VEPH1: variants seen among roughly 807,000 people sequenced by gnomAD.
VEPH1 encodes the protein ventricular zone-expressed PH domain-containing protein homolog 1.
Under a neutral mutation model 85.2 loss-of-function variants are expected in VEPH1, and 80 were observed. That is an observed-to-expected ratio of 0.94 (90% CI 0.78 to 1.13). VEPH1 has a LOEUF of 1.13. VEPH1 is among the 50% of genes most tolerant of loss of function. VEPH1 has a pLI of 0.00. For missense variants in VEPH1, 955 were observed against 980.5 expected, an observed-to-expected ratio of 0.97 and a Z score of 0.35; for synonymous variants, 297 against 348.0, an observed-to-expected ratio of 0.85 and a Z score of 1.63.
At chr3:157,266,624 T>C (rs1016284951) in intron 12 of VEPH1, among the ~76,000 whole-genome samples, 15 of 152,312 alleles carry the variant, frequency 9.8e-5, no homozygotes, top group South Asian at 4.1e-4. Context: ...TCTATAAATA[T>C]TTGTTGACTG....
intron 12 of VEPH1, chr3:157,285,126 T>C (rs1029085840): frequency 6.6e-6 from 1 of 152,202 alleles, no homozygotes; most frequent in African/African-American, 2.4e-5. Flanking sequence ...AAAGCTTCTT[T>C]TATGCTCTGT....
intron 1 of VEPH1, among the ~76,000 whole-genome samples, chr3:157,501,573 A>G (rs924443086): frequency 6.6e-6 from 1 of 152,110 alleles, no homozygotes; most frequent in Non-Finnish European, 1.5e-5. Context: ...TTAGTGGCTT[A>G]CTCTATTATG....
intron 6 of VEPH1, among the ~76,000 whole-genome samples, chr3:157,394,095 G>A (rs563074365): frequency 2.0e-5 from 3 of 152,284 alleles, no homozygotes; most frequent in Non-Finnish European, 4.4e-5. Flanking sequence ...GATATTATCC[G>A]GCATTTGGGT....
chr3:157,273,830 G>T, intron 12 of VEPH1, among the ~76,000 whole-genome samples: 1 of 152,202 alleles, frequency 6.6e-6, no homozygotes, highest in East Asian at 1.9e-4. Context: ...TTTAAGATTT[G>T]TTGCAATTCT....
At chr3:157,267,868 G>A (rs922326084) in intron 12 of VEPH1, among the ~76,000 whole-genome samples, 1 of 152,206 alleles carries the variant, frequency 6.6e-6, no homozygotes, top group African/African-American at 2.4e-5. Flanking sequence ...TAAGTGACTT[G>A]GGGGCTTGGT....
chr3:157,277,924 A>G (rs1322637772), intron 12 of VEPH1, among the ~76,000 whole-genome samples: 1 of 152,174 alleles, frequency 6.6e-6, no homozygotes, highest in South Asian at 2.1e-4. Context: ...TTGTTAATTC[A>G]TTTATCTGTT....
In VEPH1 at chr3:157,460,343, G is replaced by A. The variant is rs1456466295; in HGVS notation, c.367C>T (p.Pro123Ser). 6.2e-7 allele frequency: 1 copy of A among 1,612,386 alleles called. No individual in the cohort carries two copies. Among genetic ancestry groups the A allele is most frequent in the East Asian group, 2.2e-5 (1 of 44,828 alleles). The change falls in exon 4 of 14, where the codon CCC becomes TCC. Residue 123 changes from proline (P) to serine (S), a missense_variant. Coordinates refer to ENST00000362010, the MANE Select transcript of VEPH1 (RefSeq NM_001167912.2). Reference protein sequence around the residue: ...MSCILQNYNRPPVMALAIPIA... With the variant: ...MSCILQNYNRSPVMALAIPIA... ...GGGATGGCTAATGCCATCACTGGGG[G>A]TCGGTTGTAATTCTGAGGAAATATA... is the stretch of plus-strand genomic sequence containing the variant.
At chr3:157,453,139 C>G (rs1353016566) in intron 4 of VEPH1, among the ~76,000 whole-genome samples, 11 of 152,154 alleles carry the variant, frequency 7.2e-5, no homozygotes, top group African/African-American at 2.7e-4. Context: ...GAGCTGGAAG[C>G]TGTAGAGGCC....
intron 6 of VEPH1, among the ~76,000 whole-genome samples, chr3:157,400,794 CA>C (rs1730737405): frequency 6.6e-6 from 1 of 152,002 alleles, no homozygotes; most frequent in Non-Finnish European, 1.5e-5. Context: ...TAGCTTCAAA[CA>C]TAGTATTATT....
intron 6 of VEPH1, among the ~76,000 whole-genome samples, chr3:157,406,365 T>C (rs1731140638): frequency 6.6e-6 from 1 of 152,138 alleles, no homozygotes; most frequent in Non-Finnish European, 1.5e-5. Context: ...CCAGCTCCCA[T>C]TTCTCAGGAT....
chr3:157,462,009 T>C, intron 3 of VEPH1, among the ~76,000 whole-genome samples: 1 of 149,996 alleles, frequency 6.7e-6, no homozygotes, highest in East Asian at 1.9e-4. Flanking sequence ...TATAATATGT[T>C]CTGGGTACTG....
chr3:157,450,367 A>T (rs2109301849), intron 4 of VEPH1, among the ~76,000 whole-genome samples: 1 of 151,890 alleles, frequency 6.6e-6, no homozygotes, highest in East Asian at 1.9e-4. Flanking sequence ...AGAATATTTA[A>T]ATGTTCTATT....
At chr3:157,333,521 A>T (rs946013567) in intron 9 of VEPH1, among the ~76,000 whole-genome samples, 8 of 152,234 alleles carry the variant, frequency 5.3e-5, no homozygotes, top group African/African-American at 1.9e-4. Flanking sequence ...ATGAATTTTA[A>T]ATCAAATACA....
At position 157,460,274 on chromosome 3, in the gene VEPH1, T is replaced by G; in HGVS notation, c.436A>C (p.Arg146=). 2 of 1,614,230 alleles carry G rather than the reference T, an allele frequency of 1.2e-6. No homozygotes were observed. Among genetic ancestry groups the G allele is most frequent in the Non-Finnish European group, 1.7e-6 (2 of 1,180,038 alleles). ...AGAGACAGGTAGTTAGACATATTCC[T>G]GCACAGTTCCTTGTTGCCTCTGTGG... The part of the protein sequence containing the change: ...FLHRGNKELC[R]NMSNYLSLAA... Residue 146 remains arginine (R), a synonymous_variant, in exon 4 of 14, where the codon AGG becomes CGG. Transcript: ENST00000362010.
intron 12 of VEPH1, among the ~76,000 whole-genome samples, chr3:157,279,380 A>G (rs1715790808): frequency 6.6e-6 from 1 of 152,230 alleles, no homozygotes; most frequent in East Asian, 1.9e-4. Flanking sequence ...GGTGACTTGC[A>G]GGTTGTTAAT....
chr3:157,373,424 A>C, intron 7 of VEPH1, among the ~76,000 whole-genome samples: 1 of 152,330 alleles, frequency 6.6e-6, no homozygotes, highest in Middle Eastern at 3.4e-3. Context: ...AATTGGAAAA[A>C]TGAATTTTGG....
At chr3:157,357,206 C>T (rs1448968777) in intron 9 of VEPH1, among the ~76,000 whole-genome samples, 2 of 152,080 alleles carry the variant, frequency 1.3e-5, no homozygotes, top group Non-Finnish European at 2.9e-5. Context: ...ACTTTTGCCT[C>T]TATTTGTTAG....
At chr3:157,314,861 A>C (rs1720562772) in intron 10 of VEPH1, among the ~76,000 whole-genome samples, 1 of 152,166 alleles carries the variant, frequency 6.6e-6, no homozygotes, top group African/African-American at 2.4e-5. Flanking sequence ...AATGAAAATA[A>C]ACTTTTCAAA....
intron 12 of VEPH1, among the ~76,000 whole-genome samples, chr3:157,270,245 C>T (rs1016954990): frequency 2.0e-5 from 3 of 151,146 alleles, no homozygotes; most frequent in African/African-American, 4.9e-5. Context: ...GCACTCCAGC[C>T]TGGGTGACAG....
Sources: allele counts gnomAD v4.1 joint callset (sites outside exome capture counted in the v4.1 genomes callset), GRCh38; gene constraint gnomAD v4.1.1; transcripts MANE v1.5; gene names NCBI Gene and HGNC (gene_info 2026-07-23, HGNC 2026-07-21).